The following LMNB1 variants were observed in gnomAD, a reference collection of about 807,000 sequenced individuals.
LMNB1 encodes lamin B1, also known as lamin-B1.
Under a neutral mutation model 67.1 loss-of-function variants are expected in LMNB1, and 23 were observed. The ratio of observed to expected loss-of-function variants is 0.34; its 90% CI spans 0.25 to 0.49. The LOEUF is 0.49. Among genes scored for constraint, LMNB1 ranks in the 20% least tolerant of loss-of-function variants. LMNB1 has a pLI of 0.99. For missense variants in LMNB1, 634 were observed against 746.5 expected (o/e 0.85, Z 1.76); for synonymous variants, 281 against 282.9 (o/e 0.99, Z 0.07).
chr5:126,806,244 CAT>C (rs1426409155), intron 3 of LMNB1, among the ~76,000 whole-genome samples: 1 of 152,214 alleles, frequency 6.6e-6, no homozygotes, highest in Admixed American at 6.5e-5. Context: ...TGAGCCACCA[CAT>C]CCGGCCTCAC....
intron 1 of LMNB1, among the ~76,000 whole-genome samples, chr5:126,779,216 C>T (rs1750561528): frequency 6.6e-6 from 1 of 152,140 alleles, no homozygotes; most frequent in Admixed American, 6.6e-5. Flanking sequence ...AGCATGTGCA[C>T]GTGGTAAGAA....
At chr5:126,778,344 C>T (rs1750531726) in intron 1 of LMNB1, among the ~76,000 whole-genome samples, 2 of 152,200 alleles carry the variant, frequency 1.3e-5, no homozygotes, top group South Asian at 4.1e-4. Context: ...GGCAGCCCGC[C>T]TCTAGAATGA....
chr5:126,791,388 A>T (rs1032609414), intron 1 of LMNB1, among the ~76,000 whole-genome samples: 1 of 151,936 alleles, frequency 6.6e-6, no homozygotes, highest in South Asian at 2.1e-4. Flanking sequence ...TTTTTTCTCT[A>T]CTAAGAGATG....
chr5:126,783,287 T>G (rs1214123936), intron 1 of LMNB1, among the ~76,000 whole-genome samples: 1 of 151,980 alleles, frequency 6.6e-6, no homozygotes, highest in Non-Finnish European at 1.5e-5. Context: ...ATGTACTGAT[T>G]TTGCCCTATT....
At chr5:126,830,876 A>G (rs189937831) in intron 9 of LMNB1, among the ~76,000 whole-genome samples, 193 of 152,362 alleles carry the variant, frequency 1.3e-3, no homozygotes, top group African/African-American at 4.1e-3. Context: ...TGATAGCTTG[A>G]ACGGTGGTTG....
At chr5:126,809,619 G>A (rs565097065) in intron 3 of LMNB1, among the ~76,000 whole-genome samples, 2 of 152,212 alleles carry the variant, frequency 1.3e-5, no homozygotes, top group South Asian at 4.1e-4. Flanking sequence ...CCCGGGAGGC[G>A]GAGGTTGTAG....
In LMNB1 at chr5:126,820,986, A is replaced by G. The variant is rs1253042084; in HGVS notation, c.1237A>G (p.Arg413Gly). 2.5e-6 allele frequency: 4 copies of G among 1,613,968 alleles called. No individual in the cohort carries two copies. The highest frequency in any genetic ancestry group is 2.2e-5 in the East Asian group (1 of 44,890). Residue 413 changes from arginine to glycine, a missense_variant, in exon 7 of 11, where the codon AGA (arginine) becomes GGA (glycine). By Grantham distance (125) the Arg-to-Gly change is moderately radical. Coordinates refer to ENST00000261366, the MANE Select transcript of LMNB1 (RefSeq NM_005573.4). ...ASSSRSVRTTRGKRKRVDVEE... is the reference protein window; with the variant it reads ...ASSSRSVRTTGGKRKRVDVEE... ...CTCAAGTCGTAGTGTACGTACAACTAGAGGAAAGCGGAAGAGGGTTGATGT... is the reference window on the plus strand; with the variant it reads ...CTCAAGTCGTAGTGTACGTACAACTGGAGGAAAGCGGAAGAGGGTTGATGT...
chr5:126,806,173 T>C (rs746212813), intron 3 of LMNB1, among the ~76,000 whole-genome samples: 3 of 152,112 alleles, frequency 2.0e-5, no homozygotes, highest in Non-Finnish European at 4.4e-5. Context: ...CAGGGTGGTC[T>C]CGATCTCCTG....
At chr5:126,824,206 G>T (rs1286971137) in intron 8 of LMNB1, among the ~76,000 whole-genome samples, 3 of 152,164 alleles carry the variant, frequency 2.0e-5, no homozygotes, top group South Asian at 2.1e-4. Flanking sequence ...CAAAAGCAAA[G>T]ATCAGTTTAA....
rs1689422672 is a variant in LMNB1, at chr5:126,811,608, A to C, written c.814-165A>C. 4 of 517,262 alleles carry C rather than the reference A, an allele frequency of 7.7e-6. No homozygotes were observed. The South Asian group carries it at 1.2e-4, about 15-fold the overall frequency. 32.0% of individuals were successfully genotyped at this position (517,262 alleles called of 1,614,324 possible). A position where few individuals can be genotyped will look rare whatever the true frequency, so the allele number is the denominator to read the frequency against. ...GGAAGTGACTCTAAAAGTCACACAG[A>C]ATTACCATCATTCACACCATATCAG... On this transcript the variant is annotated intron_variant, in intron 4 of 10. Coordinates refer to ENST00000261366, the MANE Select transcript of LMNB1 (RefSeq NM_005573.4).
At chr5:126,800,951 C>CTATATATATATA (rs57113826) in intron 1 of LMNB1, among the ~76,000 whole-genome samples, 77 of 47,244 alleles carry the variant, frequency 1.6e-3, no homozygotes, top group Admixed American at 3.2e-3. Flanking sequence ...TGCAGCCAGA[C>CTATATATATATA]TATATATATA....
At chr5:126,791,017 G>C (rs1430978090) in intron 1 of LMNB1, among the ~76,000 whole-genome samples, 1 of 151,966 alleles carries the variant, frequency 6.6e-6, no homozygotes, top group Non-Finnish European at 1.5e-5. Flanking sequence ...GCGAAACTCT[G>C]TCTCAATAAA....
chr5:126,829,647 G>C (rs1410767911), intron 9 of LMNB1, among the ~76,000 whole-genome samples: 1 of 151,932 alleles, frequency 6.6e-6, no homozygotes, highest in African/African-American at 2.4e-5. Flanking sequence ...CTGATATTGA[G>C]TGTTTGAATT....
At chr5:126,784,296 G>A (rs920993360) in intron 1 of LMNB1, among the ~76,000 whole-genome samples, 1 of 144,594 alleles carries the variant, frequency 6.9e-6, no homozygotes, top group Non-Finnish European at 1.5e-5. Context: ...CCCAAAGTGC[G>A]GGGATTACAG....
At chr5:126,793,374 T>G (rs538613540) in intron 1 of LMNB1, among the ~76,000 whole-genome samples, 1 of 152,282 alleles carries the variant, frequency 6.6e-6, no homozygotes, top group East Asian at 1.9e-4. Context: ...TCAATCTCAT[T>G]TAGTATTTTT....
intron 3 of LMNB1, among the ~76,000 whole-genome samples, chr5:126,808,183 A>T (rs1032773448): frequency 2.9e-5 from 4 of 136,272 alleles, no homozygotes; most frequent in Non-Finnish European, 4.7e-5. Flanking sequence ...TTTTTACTTT[A>T]AAAAAAATTT....
At chr5:126,820,852 T>A in intron 6 of LMNB1, 58 bp from the exon 7 acceptor site, 1 of 1,324,336 alleles carries the variant, frequency 7.6e-7, no homozygotes, top group Non-Finnish European at 1.1e-6. Flanking sequence ...TTTTTTTTTT[T>A]TAAGGCGAGA....
chr5:126,777,054 G>A (rs576647922), upstream of LMNB1: 147 of 156,350 alleles, frequency 9.4e-4, 2 homozygotes, highest in East Asian at 3.8e-4. Flanking sequence ...GTTGGGGAGT[G>A]CGGCGCCGCG....
chr5:126,817,078 GGTTT>G (rs1554114738), intron 5 of LMNB1, among the ~76,000 whole-genome samples: 29 of 22,844 alleles, frequency 1.3e-3, no homozygotes, highest in Non-Finnish European at 4.1e-3. Flanking sequence ...CCGTTTGTTT[GGTTT>G]GTTTGTTTGT....
Sources: gnomAD v4.1 joint callset for allele counts (sites outside exome capture counted in the v4.1 genomes callset) on GRCh38, gnomAD v4.1.1 for gene constraint, MANE v1.5 for transcripts, NCBI Gene and HGNC (gene_info 2026-07-23, HGNC 2026-07-21) for gene names.